Variants in RBMS2 observed in about 807,000 individuals in gnomAD.
The protein encoded by RBMS2 is RNA binding motif single stranded interacting protein 2.
A neutral mutation model predicts 58.4 loss-of-function variants in RBMS2; 38 were observed. The ratio of observed to expected loss-of-function variants is 0.65; its 90% CI spans 0.50 to 0.85. The LOEUF is 0.85. RBMS2 is among the 40% of genes least tolerant of loss of function. The probability of loss-of-function intolerance (pLI) is 0.00; values close to 1 mark genes in which losing one functional copy is unlikely to be tolerated. For missense variants in RBMS2, 367 were observed against 503.7 expected, an observed-to-expected ratio of 0.73 and a Z score of 2.60; for synonymous variants, 151 against 180.7, an observed-to-expected ratio of 0.84 and a Z score of 1.32.
rs1479008274 is a variant in RBMS2 at position 56,583,693 on chromosome 12, T to C, written c.873+1541T>C. On this transcript the variant is annotated intron_variant, in intron 9 of 13. Transcript: ENST00000262031. ...AAAAAATTGTTCCTGTCTTGATGAA[T>C]GTAAAGTACATCGTTATTTTAATTT... Among the ~76,000 whole-genome samples the C allele has an allele frequency of 2.0e-5, 3 of 152,268 alleles. No individual in the cohort carries two copies. The South Asian group carries it at 6.2e-4, about 32-fold the overall frequency.
rs375561833 is a variant in RBMS2 at position 56,554,552 on chromosome 12, TAGAG to T, written c.67-7862_67-7859del. Among the ~76,000 whole-genome samples, 32 of 151,828 alleles carry T rather than the reference TAGAG, an allele frequency of 2.1e-4. No homozygotes were observed. In the South Asian group the frequency reaches 2.9e-3, roughly 14 times the overall value. On this transcript the variant is annotated intron_variant, in intron 1 of 13. Coordinates refer to ENST00000262031, the MANE Select transcript of RBMS2 (RefSeq NM_002898.4). The stretch of plus-strand genomic sequence containing the variant: ...GCTGAACAATGAGAACACATAGACA[TAGAG>T]AGGGGAACAACACACACTGGGGCCT...
At chr12:56,542,299 A>G (rs977083463) in intron 1 of RBMS2, among the ~76,000 whole-genome samples, 2 of 151,948 alleles carry the variant, frequency 1.3e-5, no homozygotes, top group African/African-American at 4.8e-5. Flanking sequence ...TCCTGGGCTC[A>G]AGGGATCTTC....
chr12:56,526,268 C>G (rs1348911996), intron 1 of RBMS2, among the ~76,000 whole-genome samples: 1 of 151,850 alleles, frequency 6.6e-6, no homozygotes, highest in Non-Finnish European at 1.5e-5. Context: ...GATTGTGCCA[C>G]TGCACTGCAG....
At chr12:56,558,716 C>G (rs1240809371) in intron 1 of RBMS2, among the ~76,000 whole-genome samples, 1 of 151,602 alleles carries the variant, frequency 6.6e-6, no homozygotes, top group Non-Finnish European at 1.5e-5. Context: ...CCACCTCAGC[C>G]CTGTGAGTAT....
At chr12:56,527,763 A>G (rs972528303) in intron 1 of RBMS2, 2 of 13,540 alleles carry the variant, frequency 1.5e-4, no homozygotes, top group Non-Finnish European at 3.3e-4. Flanking sequence ...CCCCCCCACC[A>G]TGCCCCCTTG....
chr12:56,522,205 T>C, intron 1 of RBMS2, 116 bp downstream of exon 1: 1 of 788,798 alleles, frequency 1.3e-6, no homozygotes, highest in Non-Finnish European at 2.0e-6. Context: ...TCAAGATTCC[T>C]AATTCCTCAC....
chr12:56,567,084 G>A (rs1015310586), intron 2 of RBMS2, among the ~76,000 whole-genome samples: 5 of 151,832 alleles, frequency 3.3e-5, no homozygotes, highest in African/African-American at 1.2e-4. Context: ...CATTTTTACT[G>A]GACAAAAATC....
At chr12:56,565,226 T>C (rs1392499135) in intron 2 of RBMS2, among the ~76,000 whole-genome samples, 2 of 152,178 alleles carry the variant, frequency 1.3e-5, no homozygotes, top group African/African-American at 2.4e-5. Flanking sequence ...TCCTTTCTTT[T>C]AAAAAACATT....
rs747227545 is a variant in RBMS2, at chr12:56,581,852, A to G, written c.752A>G (p.Tyr251Cys). 4.3e-6 allele frequency: 7 copies of G among 1,614,204 alleles called. No homozygotes were observed. In the South Asian group the frequency reaches 7.7e-5, roughly 18 times the overall value. ...NADMGVMALT[Y>C]DPTTALQNGF... The stretch of plus-strand genomic sequence containing the variant: ...TTATAGGGCGTCATGGCCTTGACCT[A>G]TGACCCCACCACAGCTCTTCAGAAT... Residue 251 changes from tyrosine (Y) to cysteine (C), a missense_variant, in exon 8 of 14, where the codon TAT becomes TGT. Around this residue, in one of 3 missense-constraint regions of RBMS2, gnomAD observed 220 missense variants for 261.1 expected, o/e 0.84. Transcript: ENST00000262031.
chr12:56,560,132 T>C (rs12302233), intron 1 of RBMS2, among the ~76,000 whole-genome samples: 108,849 of 151,720 alleles, frequency 0.72, 41,324 homozygotes, highest in East Asian at 0.84. Context: ...TGACCTCAAA[T>C]GATCCACCCG....
At chr12:56,576,640 T>A (rs1440977602) in intron 5 of RBMS2, among the ~76,000 whole-genome samples, 2 of 152,210 alleles carry the variant, frequency 1.3e-5, no homozygotes, top group Non-Finnish European at 2.9e-5. Context: ...AGAATTTTGT[T>A]TCTATTCCAT....
At chr12:56,565,330 C>G (rs1881151257) in intron 2 of RBMS2, among the ~76,000 whole-genome samples, 1 of 152,072 alleles carries the variant, frequency 6.6e-6, no homozygotes, top group African/African-American at 2.4e-5. Context: ...TATTTTGTCA[C>G]CTGGGTACTA....
At chr12:56,541,548 A>G (rs1370013634) in intron 1 of RBMS2, among the ~76,000 whole-genome samples, 1 of 152,222 alleles carries the variant, frequency 6.6e-6, no homozygotes, top group Non-Finnish European at 1.5e-5. Context: ...GAAATACGAA[A>G]AAGTTTGACA....
At chr12:56,546,392 T>G (rs1877233842) in intron 1 of RBMS2, among the ~76,000 whole-genome samples, 1 of 143,694 alleles carries the variant, frequency 7.0e-6, no homozygotes, top group Non-Finnish European at 1.5e-5. Flanking sequence ...TAAAATATAA[T>G]GTATAATATA....
At chr12:56,555,440 C>CAAA (rs771583124) in intron 1 of RBMS2, among the ~76,000 whole-genome samples, 1 of 87,116 alleles carries the variant, frequency 1.1e-5, no homozygotes, top group African/African-American at 3.8e-5. Flanking sequence ...AACTTGGTCT[C>CAAA]AAAAAAAAAA....
At chr12:56,561,567 C>T (rs533940553) in intron 1 of RBMS2, among the ~76,000 whole-genome samples, 2 of 152,160 alleles carry the variant, frequency 1.3e-5, no homozygotes, top group Admixed American at 6.6e-5. Context: ...AATGCAGTGG[C>T]GTGATCTCGG....
At chr12:56,545,339 T>G (rs1876969366) in intron 1 of RBMS2, among the ~76,000 whole-genome samples, 1 of 152,212 alleles carries the variant, frequency 6.6e-6, no homozygotes, top group Admixed American at 6.6e-5. Flanking sequence ...GTTGGTTCCG[T>G]ATCTTTGCAT....
At chr12:56,571,656 A>G in intron 4 of RBMS2, 42 bp from the exon 5 acceptor site, 1 of 1,462,596 alleles carries the variant, frequency 6.8e-7, no homozygotes, top group East Asian at 2.5e-5. Flanking sequence ...TGGGAGAGGG[A>G]TAAGAGATGT....
At chr12:56,528,764 C>T (rs963804516) in intron 1 of RBMS2, among the ~76,000 whole-genome samples, 1 of 151,972 alleles carries the variant, frequency 6.6e-6, no homozygotes, top group Non-Finnish European at 1.5e-5. Flanking sequence ...CCCATCTCTA[C>T]AAAAATACAA....
Sources: allele counts gnomAD v4.1 joint callset (sites outside exome capture counted in the v4.1 genomes callset), GRCh38; gene constraint gnomAD v4.1.1; regional missense constraint gnomAD v4.1.1; transcripts MANE v1.5; gene names NCBI Gene and HGNC (gene_info 2026-07-23, HGNC 2026-07-21).